MMP16: variants seen among roughly 807,000 people sequenced by gnomAD.
The protein encoded by MMP16 is matrix metallopeptidase 16, also known as matrix metalloproteinase-16.
MMP16 carries 12 observed loss-of-function variants against 67.8 expected under a neutral mutation model. That is an observed-to-expected ratio of 0.18 (90% CI 0.11 to 0.29). The LOEUF is 0.29. Ranked by LOEUF, MMP16 falls within the 10% of genes least tolerant of loss-of-function variation. The pLI, the probability that MMP16 is intolerant of heterozygous loss-of-function variation, is 1.00. For missense variants in MMP16, 475 were observed against 765.7 expected, an observed-to-expected ratio of 0.62 and a Z score of 4.48; for synonymous variants, 249 against 255.9, an observed-to-expected ratio of 0.97 and a Z score of 0.26.
intron 1 of MMP16, among the ~76,000 whole-genome samples, chr8:88,206,652 G>A (rs574253159): frequency 1.8e-4 from 28 of 152,268 alleles, no homozygotes; most frequent in Admixed American, 1.5e-3. Context: ...AATCTTAAAT[G>A]TTATGTATAG....
At chr8:88,151,746 C>A (rs1258334947) in intron 4 of MMP16, among the ~76,000 whole-genome samples, 1 of 151,428 alleles carries the variant, frequency 6.6e-6, no homozygotes, top group African/African-American at 2.4e-5. Context: ...CACTGAATGC[C>A]CACGAGAGAA....
rs775986373 is a variant in MMP16, at chr8:88,215,320, T to TA, written c.133-18015dup. On this transcript the variant is annotated intron_variant, in intron 1 of 9. Coordinates refer to ENST00000286614, the MANE Select transcript of MMP16 (RefSeq NM_005941.5). ...CTGGGTGACAGAGTGAGACTCTGTCTAAAAAAAAAAAAAGTAGCAACTGAA... is the reference window on the plus strand; with the variant it reads ...CTGGGTGACAGAGTGAGACTCTGTCTAAAAAAAAAAAAAAGTAGCAACTGAA... Among the ~76,000 whole-genome samples, 203 of 142,660 alleles carry TA rather than the reference T, an allele frequency of 1.4e-3. 1 individual carries two copies. Among genetic ancestry groups the TA allele is most frequent in the Admixed American group, 8.1e-3 (115 of 14,240 alleles). 93.6% of individuals were successfully genotyped at this position (142,660 alleles called of 152,430 possible).
At chr8:88,119,534 AGCT>A (rs1308488000) in intron 4 of MMP16, among the ~76,000 whole-genome samples, 2 of 152,076 alleles carry the variant, frequency 1.3e-5, no homozygotes, top group Non-Finnish European at 2.9e-5. Context: ...TTATCTTAAG[AGCT>A]GCTGTTTATC....
At chr8:88,255,864 G>A (rs1465317197) in intron 1 of MMP16, among the ~76,000 whole-genome samples, 9 of 152,130 alleles carry the variant, frequency 5.9e-5, no homozygotes, top group Non-Finnish European at 7.4e-5. Context: ...GAAAGTGGTG[G>A]AATTCAATCA....
chr8:88,291,909 G>A (rs538984351), intron 1 of MMP16, among the ~76,000 whole-genome samples: 6 of 152,072 alleles, frequency 3.9e-5, no homozygotes, highest in East Asian at 1.9e-4. Context: ...TGTAATCCTC[G>A]TGTTAGTAGT....
At chr8:88,291,018 T>C (rs1451178773) in intron 1 of MMP16, among the ~76,000 whole-genome samples, 1 of 152,174 alleles carries the variant, frequency 6.6e-6, no homozygotes, top group Non-Finnish European at 1.5e-5. Context: ...TGGTGACTCA[T>C]GCCTGTAATC....
At chr8:88,080,919 G>A (rs568429564) in intron 6 of MMP16, among the ~76,000 whole-genome samples, 2 of 152,254 alleles carry the variant, frequency 1.3e-5, no homozygotes, top group South Asian at 4.2e-4. Flanking sequence ...TTAAAAGGCA[G>A]AGAAAGAAAT....
At chr8:88,221,824 A>T (rs557752686) in intron 1 of MMP16, among the ~76,000 whole-genome samples, 1 of 152,108 alleles carries the variant, frequency 6.6e-6, no homozygotes, top group African/African-American at 2.4e-5. Context: ...TTTACTTTTG[A>T]CATTCTCACC....
chr8:88,167,338 G>C (rs1383298470), intron 4 of MMP16, among the ~76,000 whole-genome samples: 1 of 152,044 alleles, frequency 6.6e-6, no homozygotes, highest in Non-Finnish European at 1.5e-5. Flanking sequence ...AAAAACAGCA[G>C]AATTTTCTTA....
intron 1 of MMP16, among the ~76,000 whole-genome samples, chr8:88,281,356 C>T (rs1810732992): frequency 6.6e-6 from 1 of 152,036 alleles, no homozygotes; most frequent in Non-Finnish European, 1.5e-5. Flanking sequence ...GAGAGAGCTC[C>T]CAAGGGGAAG....
chr8:88,249,741 A>G (rs779559678), intron 1 of MMP16, among the ~76,000 whole-genome samples: 3 of 152,060 alleles, frequency 2.0e-5, no homozygotes, highest in Admixed American at 6.6e-5. Flanking sequence ...CACTGGCTGT[A>G]GAGCTCCACA....
At chr8:88,269,296 T>C (rs1425358782) in intron 1 of MMP16, among the ~76,000 whole-genome samples, 1 of 152,144 alleles carries the variant, frequency 6.6e-6, no homozygotes, top group African/African-American at 2.4e-5. Flanking sequence ...AAGGACACCA[T>C]GGCCTGTCTT....
At chr8:88,144,959 T>C (rs1427098977) in intron 4 of MMP16, among the ~76,000 whole-genome samples, 2 of 152,014 alleles carry the variant, frequency 1.3e-5, no homozygotes, top group Non-Finnish European at 2.9e-5. Context: ...TTCCTGCAGT[T>C]AAAAAATTGC....
chr8:88,240,658 C>A (rs988943035), intron 1 of MMP16, among the ~76,000 whole-genome samples: 3 of 152,156 alleles, frequency 2.0e-5, no homozygotes, highest in African/African-American at 7.2e-5. Flanking sequence ...ACGACCAAGT[C>A]TAGAGAACCA....
intron 4 of MMP16, among the ~76,000 whole-genome samples, chr8:88,130,932 A>G (rs1179816484): frequency 6.6e-6 from 1 of 151,786 alleles, no homozygotes. Flanking sequence ...TATTAGAAAT[A>G]TTGACTCAAA....
intron 1 of MMP16, among the ~76,000 whole-genome samples, chr8:88,261,085 A>G (rs2129948023): frequency 6.6e-6 from 1 of 152,328 alleles, no homozygotes; most frequent in Non-Finnish European, 1.5e-5. Context: ...AAGTTATTTA[A>G]CACTTTGTCT....
At chr8:88,251,032 G>T (rs1810209973) in intron 1 of MMP16, among the ~76,000 whole-genome samples, 1 of 150,656 alleles carries the variant, frequency 6.6e-6, no homozygotes, top group Non-Finnish European at 1.5e-5. Flanking sequence ...GCGGTGTTTG[G>T]TTTTTTGTTC....
At chr8:88,258,236 T>C (rs779306881) in intron 1 of MMP16, among the ~76,000 whole-genome samples, 2 of 152,186 alleles carry the variant, frequency 1.3e-5, no homozygotes, top group African/African-American at 2.4e-5. Context: ...CTAACACCTC[T>C]GCTGTGTTAA....
intron 7 of MMP16, among the ~76,000 whole-genome samples, chr8:88,064,549 C>T (rs181829684): frequency 2.6e-5 from 4 of 151,940 alleles, no homozygotes; most frequent in East Asian, 1.9e-4. Context: ...ACTTAATGCT[C>T]GCTTGGAATT....
Sources: gnomAD v4.1 joint callset for allele counts (sites outside exome capture counted in the v4.1 genomes callset) on GRCh38, gnomAD v4.1.1 for gene constraint, MANE v1.5 for transcripts, NCBI Gene and HGNC (gene_info 2026-07-23, HGNC 2026-07-21) for gene names.